Variants in SH2D3A observed in about 807,000 individuals in gnomAD.
The protein encoded by SH2D3A is SH2 domain-containing protein 3A.
SH2D3A carries 46 observed loss-of-function variants against 50.6 expected under a neutral mutation model. The observed-to-expected ratio is 0.91, with a 90% CI of 0.72 to 1.16. SH2D3A has a LOEUF of 1.16. Among genes scored for constraint, SH2D3A ranks in the 50% most tolerant of loss-of-function variants. SH2D3A has a pLI of 0.00. For missense variants in SH2D3A, 783 were observed against 786.2 expected (o/e 1.00, Z 0.05); for synonymous variants, 377 against 348.4 (o/e 1.08, Z -0.91).
chr19:6,754,039 G>T lies in SH2D3A; in HGVS notation c.1384+13C>A. 2 of 1,589,310 alleles carry T rather than the reference G, an allele frequency of 1.3e-6. No homozygotes were observed. The highest frequency in any genetic ancestry group is 1.7e-6 in the Non-Finnish European group (2 of 1,166,734). On this transcript the variant is annotated intron_variant, in intron 8 of 9. Transcript: ENST00000245908. The stretch of plus-strand genomic sequence containing the variant: ...GGCCCCCAGGGGATGCTAAGCCCCA[G>T]ACCTTCACTTACCAGCGCCCTCATC...
chr19:6,753,089 T>C lies in SH2D3A; in HGVS notation c.1571-336A>G, dbSNP rs568325138. On this transcript the variant is annotated intron_variant, in intron 9 of 9. Transcript: ENST00000245908. ...GGTTGTCGGGGAAGGTGGGGGGATC[T>C]TGCCGGGTGGGCTGCCCTAGGATAG... The C allele has an allele frequency of 1.1e-5, 11 of 985,312 alleles. No individual in the cohort carries two copies. The East Asian group carries it at 1.3e-3, about 112-fold the overall frequency. 61.0% of individuals were successfully genotyped at this position (985,312 alleles called of 1,614,324 possible). A position where few individuals can be genotyped will look rare whatever the true frequency, so the allele number is the denominator to read the frequency against.
At chr19:6,760,555 C>CAAA in intron 3 of SH2D3A, 83 bp downstream of exon 3, 17 of 1,020,250 alleles carry the variant, frequency 1.7e-5, no homozygotes, top group Non-Finnish European at 1.9e-5. Context: ...GAGACTCAGT[C>CAAA]AAAAAAAAAA....
intron 8 of SH2D3A, 134 bp from the exon 9 acceptor site, chr19:6,753,775 A>C: frequency 9.7e-7 from 1 of 1,030,904 alleles, no homozygotes; most frequent in African/African-American, 1.6e-5. Context: ...GGCCAGGACC[A>C]CACGCCCCGT....
intron 2 of SH2D3A, among the ~76,000 whole-genome samples, chr19:6,761,820 G>A (rs1435472525): frequency 6.6e-6 from 1 of 151,966 alleles, no homozygotes; most frequent in Non-Finnish European, 1.5e-5. Context: ...GTGGTGGTGT[G>A]CACCTGTCAT....
At position 6,753,358 on chromosome 19, in the gene SH2D3A, G is replaced by GTT. The variant is rs1380329692; in HGVS notation, c.1570+97_1570+98insAA. The GTT allele has an allele frequency of 1.4e-5, 20 of 1,399,462 alleles. No homozygotes were observed. The East Asian group carries it at 2.7e-4, about 19-fold the overall frequency. The allele number at this position is 1,399,462 out of a possible 1,614,324, so 86.7% of individuals were successfully genotyped here. Reference sequence around the variant, plus strand: ...TGGGTGGGGCTCCGGGAGGCGTGGCGAGAGGCTCCCCTCCTGGGACAGGCT... The same window carrying GTT: ...TGGGTGGGGCTCCGGGAGGCGTGGCGTTAGAGGCTCCCCTCCTGGGACAGGCT... On this transcript the variant is annotated intron_variant, in intron 9 of 9. Transcript: ENST00000245908.
intron 2 of SH2D3A, among the ~76,000 whole-genome samples, chr19:6,761,662 G>T (rs112327674): frequency 6.6e-6 from 1 of 152,094 alleles, no homozygotes; most frequent in African/African-American, 2.4e-5. Flanking sequence ...AATAGGGTAG[G>T]AAGGGTGGGG....
Position 6,752,644 on chromosome 19 carries a change from C to A in SH2D3A, c.1680G>T (p.Lys560Asn). 1.9e-6 allele frequency: 3 copies of A among 1,558,414 alleles called. No individual in the cohort carries two copies. The highest frequency in any genetic ancestry group is 2.6e-6 in the Non-Finnish European group (3 of 1,151,006). ...ACAGGACGCCGAGGACGCGCTGGAACTTCTCAAAGCGTTCAGCGCGCGGAG... is the reference window on the plus strand; with the variant it reads ...ACAGGACGCCGAGGACGCGCTGGAAATTCTCAAAGCGTTCAGCGCGCGGAG... ...AGAPRAERFEKFQRVLGVLSQ... is the reference protein window; with the variant it reads ...AGAPRAERFENFQRVLGVLSQ... Residue 560 changes from lysine to asparagine, a missense_variant, in exon 10 of 10, where the codon AAG (lysine) becomes AAT (asparagine). Lys to Asn is a moderately conservative substitution (Grantham distance 94). Transcript: ENST00000245908.
intron 3 of SH2D3A, 120 bp downstream of exon 3, chr19:6,760,518 A>G: frequency 1.2e-6 from 1 of 810,248 alleles, no homozygotes; most frequent in South Asian, 1.9e-5. Flanking sequence ...AAATCATGCC[A>G]CTGCACTCCA....
In SH2D3A at chr19:6,752,575, A is replaced by T; in HGVS notation, c.*18T>A. ...AAAAACCTGGGGGTCCCGGGTGTGA[A>T]GAAGGGTGTCTGCGCTCTCAGCGGT... On this transcript the variant is annotated 3_prime_UTR_variant, in exon 10 of 10. Coordinates refer to ENST00000245908, the MANE Select transcript of SH2D3A (RefSeq NM_005490.3). 2.0e-6 allele frequency: 3 copies of T among 1,521,680 alleles called. No homozygotes were observed. The highest frequency in any genetic ancestry group is 1.8e-6 in the Non-Finnish European group (2 of 1,130,556). 94.3% of individuals were successfully genotyped at this position (1,521,680 alleles called of 1,614,324 possible). A position where few individuals can be genotyped will look rare whatever the true frequency, so the allele number is the denominator to read the frequency against.
chr19:6,761,022 AATG>A, intron 2 of SH2D3A, 35 bp from the exon 3 acceptor site: 2 of 1,541,000 alleles, frequency 1.3e-6, no homozygotes, highest in Non-Finnish European at 1.8e-6. Context: ...GGGAATTAGG[AATG>A]AGTCCAGGGC....
At chr19:6,753,107 TA>T (rs991771120) in intron 9 of SH2D3A, 2 of 984,936 alleles carry the variant, frequency 2.0e-6, no homozygotes, top group African/African-American at 3.5e-5. Context: ...TGGGCTGCCC[TA>T]GGATAGGACG....
chr19:6,755,544 AT>A lies in SH2D3A; in HGVS notation c.497-230del, dbSNP rs925473309. Among the ~76,000 whole-genome samples, 61 of 151,040 alleles carry A rather than the reference AT, an allele frequency of 4.0e-4. No individual in the cohort carries two copies. The East Asian group carries it at 5.5e-3, about 14-fold the overall frequency. On this transcript the variant is annotated intron_variant, in intron 4 of 9. Transcript: ENST00000245908. ...TAGCATCTCTATAGTTCTGTAAATT[AT>A]TTTTTTTTAATTTTATTTTATTTTA...
At chr19:6,753,137 G>A (rs955771683) in intron 9 of SH2D3A, 6 of 985,366 alleles carry the variant, frequency 6.1e-6, no homozygotes, top group South Asian at 4.7e-5. Flanking sequence ...GTTTTGGAGG[G>A]AGCAGGGCGT....
At chr19:6,766,166 G>A (rs995599735) in intron 1 of SH2D3A, among the ~76,000 whole-genome samples, 19 of 152,316 alleles carry the variant, frequency 1.2e-4, no homozygotes, top group Admixed American at 9.1e-4. Context: ...TGCCAGTGCC[G>A]CATACCTGAA....
Position 6,763,790 on chromosome 19 carries a change from C to A in SH2D3A, c.-42G>T, listed in dbSNP as rs1223041327. On this transcript the variant is annotated 5_prime_UTR_variant, in exon 2 of 10. Transcript: ENST00000245908. ...GAGGGTGCCAGGGCTGAGCTCTGCA[C>A]TTTCAACAGGCCTCAGTCTTCCACA... 1 of 1,542,008 alleles carries A rather than the reference C, an allele frequency of 6.5e-7. No homozygotes were observed. Among genetic ancestry groups the A allele is most frequent in the Non-Finnish European group, 8.9e-7 (1 of 1,121,648 alleles).
At chr19:6,753,420 C>T in intron 9 of SH2D3A, 36 bp downstream of exon 9, 1 of 1,444,774 alleles carries the variant, frequency 6.9e-7, no homozygotes, top group Middle Eastern at 1.8e-4. Flanking sequence ...GCAGGGTGCT[C>T]TGAAGTCTGC....
intron 4 of SH2D3A, among the ~76,000 whole-genome samples, chr19:6,757,108 G>A (rs750879243): frequency 1.3e-5 from 2 of 151,734 alleles, no homozygotes; most frequent in South Asian, 2.1e-4. Flanking sequence ...CTCGTGATCC[G>A]CCCGCTTTGG....
intron 1 of SH2D3A, among the ~76,000 whole-genome samples, chr19:6,764,722 T>C (rs1466738388): frequency 6.6e-6 from 1 of 151,960 alleles, no homozygotes; most frequent in East Asian, 1.9e-4. Context: ...TCTTTTTTTT[T>C]TGAGACAGAG....
Position 6,754,325 on chromosome 19 carries a change from G to C in SH2D3A, c.1198C>G (p.Leu400Val). ...AALRGLVELA[L>V]ALRPGAAGDL... The stretch of plus-strand genomic sequence containing the variant: ...CCCGCCGCCCCTGGCCGCAGCGCCA[G>C]CGCCAGCTCTACCAGTCCCCTCAGT... The change falls in exon 7 of 10, where the codon CTG becomes GTG. Residue 400 changes from leucine (L) to valine (V), a missense_variant. By Grantham distance (32) the Leu-to-Val change is conservative (BLOSUM62 1). Transcript: ENST00000245908. The C allele has an allele frequency of 6.4e-7, 1 of 1,572,570 alleles. No individual in the cohort carries two copies. Among genetic ancestry groups the C allele is most frequent in the Non-Finnish European group, 8.6e-7 (1 of 1,165,640 alleles).
Sources: gnomAD v4.1 joint callset for allele counts (sites outside exome capture counted in the v4.1 genomes callset) on GRCh38, gnomAD v4.1.1 for gene constraint, MANE v1.5 for transcripts, NCBI Gene and HGNC (gene_info 2026-07-23, HGNC 2026-07-21) for gene names.